The following NECAB3 variants were observed in gnomAD, a reference collection of about 807,000 sequenced individuals.
NECAB3 encodes the protein N-terminal EF-hand calcium binding protein 3.
In NECAB3, 38 loss-of-function variants were observed where a neutral mutation model predicts 57.2. The observed-to-expected ratio is 0.66, with a 90% confidence interval of 0.51 to 0.87. The LOEUF (loss-of-function observed/expected upper bound fraction) is 0.87, where lower values mean the gene tolerates loss of function less well. Among genes scored for constraint, NECAB3 ranks in the 40% least tolerant of loss-of-function variants. The pLI is 0.00. For synonymous variants in NECAB3, 223 were observed against 222.6 expected (o/e 1.00, Z -0.02); for missense variants, 474 against 527.5 (o/e 0.90, Z 0.99).
At chr20:33,663,704 G>T in intron 5 of NECAB3, 4 of 1,538,090 alleles carry the variant, frequency 2.6e-6, no homozygotes, top group South Asian at 1.2e-5. Flanking sequence ...CTGCTGCTGC[G>T]GCGGCAAGAG....
chr20:33,671,816 A>G (rs1012148745), intron 2 of NECAB3, among the ~76,000 whole-genome samples: 5 of 152,194 alleles, frequency 3.3e-5, no homozygotes, highest in African/African-American at 1.2e-4. Flanking sequence ...ATCCTTGCCC[A>G]AGGCGTGGGT....
At chr20:33,658,607 C>T in intron 9 of NECAB3, 53 bp from the exon 10 acceptor site, 1 of 1,607,538 alleles carries the variant, frequency 6.2e-7, no homozygotes, top group African/African-American at 1.3e-5. Flanking sequence ...CCACCTCTGC[C>T]TCCCCGGCCT....
chr20:33,657,839 TTCA>T lies in NECAB3; in HGVS notation c.1178_1180del (p.Met393del). The T allele has an allele frequency of 6.5e-7, 1 of 1,540,702 alleles. No individual in the cohort carries two copies. The stretch of plus-strand genomic sequence containing the variant: ...GTGTGCAGGTCTGGCTCAGTTGTTA[TTCA>T]TTATCCACCAGGAGGCTGGGGGTCA... On this transcript the variant is annotated inframe_deletion, in exon 12 of 12. Transcript: ENST00000246190.
Position 33,674,237 on chromosome 20 carries a change from G to A in NECAB3, c.116C>T (p.Thr39Met), listed in dbSNP as rs756062892. ...GCGCCCACTCACGTCCTGGAAGAGCGTGTGTCCGGCGGGCCCCGGGTCGGG... is the reference window on the plus strand; with the variant it reads ...GCGCCCACTCACGTCCTGGAAGAGCATGTGTCCGGCGGGCCCCGGGTCGGG... ...LAPDPGPAGH[T>M]LFQDVFRRAD... Residue 39 changes from threonine to methionine, a missense_variant, in exon 1 of 12, where the codon ACG (threonine) becomes ATG (methionine). Thr to Met is a moderately conservative substitution (Grantham distance 81). Coordinates refer to ENST00000246190, the MANE Select transcript of NECAB3 (RefSeq NM_031232.4). 76 of 1,245,880 alleles carry A rather than the reference G, an allele frequency of 6.1e-5. No individual in the cohort carries two copies. Among genetic ancestry groups the A allele is most frequent in the Non-Finnish European group, 7.6e-5 (76 of 995,328 alleles). 77.2% of individuals were successfully genotyped at this position (1,245,880 alleles called of 1,614,324 possible).
chr20:33,663,080 T>G (rs190437803), intron 5 of NECAB3, among the ~76,000 whole-genome samples: 65 of 152,224 alleles, frequency 4.3e-4, no homozygotes, highest in Middle Eastern at 6.8e-3. Context: ...ACACGGAGAA[T>G]CAGTTCTAGT....
At chr20:33,669,950 AG>A (rs1192272471) in intron 3 of NECAB3, among the ~76,000 whole-genome samples, 2 of 152,228 alleles carry the variant, frequency 1.3e-5, no homozygotes, top group Non-Finnish European at 2.9e-5. Flanking sequence ...GGCTACCAAG[AG>A]GATCTCAGGC....
intron 2 of NECAB3, 66 bp downstream of exon 2, chr20:33,672,332 C>T (rs2017844437): frequency 6.3e-7 from 1 of 1,598,438 alleles, no homozygotes; most frequent in Admixed American, 1.7e-5. Flanking sequence ...CCTCCCAACT[C>T]TCCCTGGGCC....
Position 33,660,256 on chromosome 20 carries a change from T to C in NECAB3, c.524+3A>G. On this transcript the variant is annotated splice_donor_region_variant and intron_variant, in intron 6 of 11. Transcript: ENST00000246190. This position sits in a 1 kb window ranked among gnomAD's most constrained non-coding sequence, Gnocchi z 4.1. ...CCCACAGGTTGACAGCACCCTTACA[T>C]ACCGCCAGCCATGGGCCTGGGCCTC... is the stretch of plus-strand genomic sequence containing the variant. 1 of 1,612,170 alleles carries C rather than the reference T, an allele frequency of 6.2e-7. No homozygotes were observed. Among genetic ancestry groups the C allele is most frequent in the Non-Finnish European group, 8.5e-7 (1 of 1,179,380 alleles).
At chr20:33,672,723 C>T (rs1466043882) in intron 1 of NECAB3, among the ~76,000 whole-genome samples, 1 of 152,188 alleles carries the variant, frequency 6.6e-6, no homozygotes, top group African/African-American at 2.4e-5. Context: ...GAGTGCAGCC[C>T]AAGTTCTATC....
intron 2 of NECAB3, 120 bp from the exon 3 acceptor site, chr20:33,670,912 A>C (rs181876340): frequency 3.0e-6 from 2 of 665,998 alleles, no homozygotes; most frequent in Non-Finnish European, 5.2e-6. Flanking sequence ...TAGCTAGGTG[A>C]GATGGGAGTC....
chr20:33,668,307 G>A, intron 5 of NECAB3: 1 of 1,518,002 alleles, frequency 6.6e-7, no homozygotes, highest in East Asian at 2.3e-5. Flanking sequence ...AGTGTTTGGA[G>A]CTGGCAGGGT....
chr20:33,658,705 G>T lies in NECAB3; in HGVS notation c.992+17C>A. On this transcript the variant is annotated intron_variant, in intron 9 of 11. Transcript: ENST00000246190. ...CCCCTCCCCACTGGCCATCCCACCT[G>T]CCAGCTGGGGACTCACTGCAGACAA... The T allele has an allele frequency of 6.2e-7, 1 of 1,611,470 alleles. No individual in the cohort carries two copies. The highest frequency in any genetic ancestry group is 8.5e-7 in the Non-Finnish European group (1 of 1,178,012).
In NECAB3 at chr20:33,659,631, G is replaced by A; in HGVS notation, c.745C>T (p.Pro249Ser). The change falls in exon 8 of 12, where the codon CCC becomes TCC. Residue 249 changes from proline (P) to serine (S), a missense_variant. Pro to Ser is a moderately conservative substitution (Grantham distance 74, BLOSUM62 -1). Coordinates refer to ENST00000246190, the MANE Select transcript of NECAB3 (RefSeq NM_031232.4). Reference protein sequence around the residue: ...ECKVRAVGPGPHKGGPSWYPP... With the variant: ...ECKVRAVGPGSHKGGPSWYPP... ...TACCAGGAGGGTCCTCCCTTGTGGG[G>A]CCCTGGCCCCACGGCCCTCACCTTG... 1.9e-6 allele frequency: 3 copies of A among 1,610,364 alleles called. No individual in the cohort carries two copies. Among genetic ancestry groups the A allele is most frequent in the Non-Finnish European group, 2.5e-6 (3 of 1,179,136 alleles).
rs563413189 is a variant in NECAB3 at position 33,658,656 on chromosome 20, G to A, written c.992+66C>T. On this transcript the variant is annotated intron_variant, in intron 9 of 11. Transcript: ENST00000246190. Reference sequence around the variant, plus strand: ...AACCCTGACCCACCCAGGATGGCCAGCCCCAGCACCCCTCTCTGCTCACCC... The same window carrying A: ...AACCCTGACCCACCCAGGATGGCCAACCCCAGCACCCCTCTCTGCTCACCC... 1.5e-5 allele frequency: 24 copies of A among 1,595,950 alleles called. No individual in the cohort carries two copies. In the South Asian group the frequency reaches 2.5e-4, roughly 17 times the overall value.
chr20:33,663,946 G>A lies in NECAB3; in HGVS notation c.388-3551C>T, dbSNP rs981860137. The stretch of plus-strand genomic sequence containing the variant: ...CGAACCCTGTCGGAGGCGTCTGGGC[G>A]CGGAGTCGGGGTGGGCAAAGCTCAG... On this transcript the variant is annotated intron_variant, in intron 5 of 11. Coordinates refer to ENST00000246190, the MANE Select transcript of NECAB3 (RefSeq NM_031232.4). 7 of 1,274,664 alleles carry A rather than the reference G, an allele frequency of 5.5e-6. No homozygotes were observed. The African/African-American group carries it at 1.1e-4, about 20-fold the overall frequency. The allele number at this position is 1,274,664 out of a possible 1,614,324, so 79.0% of individuals were successfully genotyped here. A position where few individuals can be genotyped will look rare whatever the true frequency, so the allele number is the denominator to read the frequency against.
chr20:33,657,716 G>A lies in NECAB3; in HGVS notation c.*113C>T. 5 of 1,163,396 alleles carry A rather than the reference G, an allele frequency of 4.3e-6. No homozygotes were observed. The highest frequency in any genetic ancestry group is 1.7e-5 in the South Asian group (1 of 57,708). The allele number at this position is 1,163,396 out of a possible 1,614,324, so 72.1% of individuals were successfully genotyped here. On this transcript the variant is annotated 3_prime_UTR_variant, in exon 12 of 12. Coordinates refer to ENST00000246190, the MANE Select transcript of NECAB3 (RefSeq NM_031232.4). ...CCCTGGGCTGAGAGCCCTTCCACCA[G>A]GCCCAAGTCCAGGAGGAGACAAGTC...
rs1004004507 is a variant in NECAB3, at chr20:33,663,278, G to C, written c.388-2883C>G. The C allele has an allele frequency of 7.3e-6, 4 of 549,260 alleles. No individual in the cohort carries two copies. The African/African-American group carries it at 8.0e-5, about 11-fold the overall frequency. 34.0% of individuals were successfully genotyped at this position (549,260 alleles called of 1,614,324 possible). A position where few individuals can be genotyped will look rare whatever the true frequency, so the allele number is the denominator to read the frequency against. On this transcript the variant is annotated intron_variant, in intron 5 of 11. Coordinates refer to ENST00000246190, the MANE Select transcript of NECAB3 (RefSeq NM_031232.4). ...TAAACTTAGACGGAGCTGGTCTCAG[G>C]AAGTCAGCCTGGGATGGATGAGGGT...
chr20:33,657,739 G>A lies in NECAB3; in HGVS notation c.*90C>T. 4 of 1,363,922 alleles carry A rather than the reference G, an allele frequency of 2.9e-6. No homozygotes were observed. The highest frequency in any genetic ancestry group is 1.5e-5 in the South Asian group (1 of 65,960). The allele number at this position is 1,363,922 out of a possible 1,614,324, so 84.5% of individuals were successfully genotyped here. A position where few individuals can be genotyped will look rare whatever the true frequency, so the allele number is the denominator to read the frequency against. On this transcript the variant is annotated 3_prime_UTR_variant, in exon 12 of 12. Transcript: ENST00000246190. ...CAGGCCCAAGTCCAGGAGGAGACAA[G>A]TCCTGGTCTTTGCGCTGGGCTGGCC... is the stretch of plus-strand genomic sequence containing the variant.
At position 33,659,696 on chromosome 20, in the gene NECAB3, T is replaced by C. The variant is rs1255816144; in HGVS notation, c.680A>G (p.Gln227Arg). The C allele has an allele frequency of 6.9e-6, 11 of 1,605,514 alleles. No homozygotes were observed. Among genetic ancestry groups the C allele is most frequent in the Non-Finnish European group, 8.5e-6 (10 of 1,177,844 alleles). Residue 227 changes from glutamine to arginine, a missense_variant, in exon 8 of 12, where the codon CAG becomes CGG. Physicochemically the swap from Gln to Arg is conservative, Grantham distance 43. Coordinates refer to ENST00000246190, the MANE Select transcript of NECAB3 (RefSeq NM_031232.4). ...GATGAGCTCCTGGAGGCGGTTCACC[T>C]GGAGCCGCCACTGCATCTCGGCCTC... ...SSEAEMQWRL[Q>R]VNRLQELIDQ...
Sources: gnomAD v4.1 joint callset for allele counts (sites outside exome capture counted in the v4.1 genomes callset) on GRCh38, gnomAD v4.1.1 for gene constraint, Gnocchi (gnomAD v3.1) non-coding constraint, MANE v1.5 for transcripts, NCBI Gene and HGNC (gene_info 2026-07-23, HGNC 2026-07-21) for gene names.